Variants in FSTL4 observed in about 807,000 individuals in gnomAD.
The protein encoded by FSTL4 is follistatin like 4, also known as follistatin-related protein 4.
FSTL4 carries 28 observed loss-of-function variants against 78.2 expected under a neutral mutation model. The observed-to-expected ratio is 0.36, with a 90% confidence interval of 0.27 to 0.49. The LOEUF (loss-of-function observed/expected upper bound fraction) is 0.49, where lower values mean the gene tolerates loss of function less well. FSTL4 is among the 20% of genes least tolerant of loss of function. The pLI, the probability that FSTL4 is intolerant of heterozygous loss-of-function variation, is 0.98. For synonymous variants in FSTL4, 422 were observed against 440.5 expected, an observed-to-expected ratio of 0.96 and a Z score of 0.53; for missense variants, 922 against 1,084.9, an observed-to-expected ratio of 0.85 and a Z score of 2.11.
At chr5:133,401,698 C>T (rs929961737) in intron 3 of FSTL4, among the ~76,000 whole-genome samples, 3 of 152,106 alleles carry the variant, frequency 2.0e-5, no homozygotes, top group Non-Finnish European at 2.9e-5. Context: ...CTGGGAGTGG[C>T]GGAGATCATG....
chr5:133,408,824 A>G (rs2126978069), intron 3 of FSTL4, among the ~76,000 whole-genome samples: 1 of 152,296 alleles, frequency 6.6e-6, no homozygotes, highest in Admixed American at 6.5e-5. Context: ...GGATTACATG[A>G]GATAATTCAT....
chr5:133,430,554 G>T (rs143758297), intron 3 of FSTL4, among the ~76,000 whole-genome samples: 3 of 152,276 alleles, frequency 2.0e-5, no homozygotes, highest in African/African-American at 7.2e-5. Context: ...AAGAGAAGTG[G>T]AGGAAAAACT....
chr5:133,396,105 G>A (rs949797844), intron 4 of FSTL4, among the ~76,000 whole-genome samples: 1 of 152,104 alleles, frequency 6.6e-6, no homozygotes, highest in Non-Finnish European at 1.5e-5. Context: ...TTCACAGGAG[G>A]ACCCACCACC....
chr5:133,815,574 G>C, the FSTL4 span, among the ~76,000 whole-genome samples: 2 of 152,338 alleles, frequency 1.3e-5, no homozygotes, highest in Admixed American at 6.5e-5. Flanking sequence ...TCATGTGCCA[G>C]GGTTCGCACA....
chr5:133,523,037 C>T (rs1169394021), intron 3 of FSTL4, among the ~76,000 whole-genome samples: 1 of 148,498 alleles, frequency 6.7e-6, no homozygotes, highest in Non-Finnish European at 1.5e-5. Context: ...CCCAGTGTTA[C>T]TATATTTGGA....
chr5:133,718,567 C>T, the FSTL4 span, among the ~76,000 whole-genome samples: 24 of 151,994 alleles, frequency 1.6e-4, no homozygotes, highest in African/African-American at 1.9e-4. Flanking sequence ...CTTATTTTGA[C>T]GTAGAAAATT....
At chr5:133,319,736 G>A (rs183707050) in intron 4 of FSTL4, among the ~76,000 whole-genome samples, 1 of 152,296 alleles carries the variant, frequency 6.6e-6, no homozygotes, top group Non-Finnish European at 1.5e-5. Context: ...GGCACTCCAT[G>A]CCTGGGCCAA....
chr5:133,789,071 G>T, the FSTL4 span, among the ~76,000 whole-genome samples: 1 of 152,216 alleles, frequency 6.6e-6, no homozygotes, highest in Non-Finnish European at 1.5e-5. Context: ...AAACAAGGAT[G>T]CCAGCCTCCT....
At chr5:133,297,388 G>A (rs1206402738) in intron 6 of FSTL4, among the ~76,000 whole-genome samples, 2 of 152,152 alleles carry the variant, frequency 1.3e-5, no homozygotes, top group African/African-American at 2.4e-5. Context: ...GGTGGGACTC[G>A]TGGGTGGCAG....
the FSTL4 span, among the ~76,000 whole-genome samples, chr5:133,825,925 T>A: frequency 6.6e-6 from 1 of 152,132 alleles, no homozygotes; most frequent in African/African-American, 2.4e-5. Context: ...TCAGAACCCA[T>A]CCCCGGCTGC....
the FSTL4 span, among the ~76,000 whole-genome samples, chr5:133,812,839 G>C: frequency 6.6e-6 from 1 of 152,244 alleles, no homozygotes; most frequent in Non-Finnish European, 1.5e-5. Context: ...TAGCACTTGG[G>C]AGATGCTTAG....
the FSTL4 span, among the ~76,000 whole-genome samples, chr5:133,739,389 G>A: frequency 4.5e-4 from 68 of 151,928 alleles, 1 homozygote; most frequent in East Asian, 0.012. Flanking sequence ...AGTCGCAGGC[G>A]AGGAACAGCT....
chr5:133,358,564 G>C (rs1421237328), intron 4 of FSTL4, among the ~76,000 whole-genome samples: 2 of 152,052 alleles, frequency 1.3e-5, no homozygotes, highest in Admixed American at 1.3e-4. Flanking sequence ...TTGCACGATG[G>C]GGCCCATCCC....
chr5:133,812,399 C>G, the FSTL4 span, among the ~76,000 whole-genome samples: 2 of 152,360 alleles, frequency 1.3e-5, no homozygotes, highest in East Asian at 3.9e-4. Context: ...TGATCTGTCC[C>G]CTGACACTTC....
intron 6 of FSTL4, among the ~76,000 whole-genome samples, chr5:133,284,686 C>T (rs529910710): frequency 1.3e-5 from 2 of 152,232 alleles, no homozygotes; most frequent in Non-Finnish European, 2.9e-5. Context: ...AAGATTCAGG[C>T]ATCCAAGATT....
intron 3 of FSTL4, among the ~76,000 whole-genome samples, chr5:133,534,326 G>A (rs563183654): frequency 6.6e-6 from 1 of 152,246 alleles, no homozygotes; most frequent in Non-Finnish European, 1.5e-5. Context: ...CCAGTGAGTC[G>A]AGGCCTTCTC....
chr5:133,347,940 T>C (rs916601913), intron 4 of FSTL4, among the ~76,000 whole-genome samples: 2 of 152,174 alleles, frequency 1.3e-5, no homozygotes, highest in African/African-American at 4.8e-5. Context: ...GAGACTAGCA[T>C]ATCCAGCCCC....
chr5:133,562,600 C>T (rs894857879), intron 3 of FSTL4, among the ~76,000 whole-genome samples: 1 of 152,206 alleles, frequency 6.6e-6, no homozygotes, highest in Non-Finnish European at 1.5e-5. Context: ...TCCCGGGTTC[C>T]CTCACAGCCT....
At chr5:133,419,908 A>C (rs1441301190) in intron 3 of FSTL4, among the ~76,000 whole-genome samples, 2 of 152,264 alleles carry the variant, frequency 1.3e-5, no homozygotes, top group Admixed American at 6.5e-5. Context: ...TCATAGGTAT[A>C]TATCCAAGAG....
Sources: gnomAD v4.1 joint callset for allele counts (sites outside exome capture counted in the v4.1 genomes callset) on GRCh38, gnomAD v4.1.1 for gene constraint, MANE v1.5 for transcripts, NCBI Gene and HGNC (gene_info 2026-07-23, HGNC 2026-07-21) for gene names.